Variants in CEMIP observed in about 807,000 individuals in gnomAD.
CEMIP encodes cell migration-inducing and hyaluronan-binding protein.
Under a neutral mutation model 156.9 loss-of-function variants are expected in CEMIP, and 105 were observed. That is an observed-to-expected ratio of 0.67 (90% CI 0.57 to 0.79). The LOEUF is 0.79. Ranked by LOEUF, CEMIP falls within the 30% of genes least tolerant of loss-of-function variation. The pLI, the probability that CEMIP is intolerant of heterozygous loss-of-function variation, is 0.00. For synonymous variants in CEMIP, 676 were observed against 668.4 expected, an observed-to-expected ratio of 1.01 and a Z score of -0.17; for missense variants, 1,457 against 1,769.4, an observed-to-expected ratio of 0.82 and a Z score of 3.17.
chr15:80,795,506 C>A (rs548927721), intron 1 of CEMIP, among the ~76,000 whole-genome samples: 1 of 151,998 alleles, frequency 6.6e-6, no homozygotes, highest in Admixed American at 6.6e-5. Flanking sequence ...TCCAGGAGAA[C>A]TCCCAGGTGG....
chr15:80,808,477 T>C (rs1006738558), intron 1 of CEMIP, among the ~76,000 whole-genome samples: 8 of 152,174 alleles, frequency 5.3e-5, no homozygotes, highest in Admixed American at 5.2e-4. Flanking sequence ...AGCTGACCTA[T>C]GAGATTCAGA....
intron 14 of CEMIP, among the ~76,000 whole-genome samples, chr15:80,911,073 T>C (rs1900033108): frequency 6.6e-6 from 1 of 152,226 alleles, no homozygotes; most frequent in Non-Finnish European, 1.5e-5. Flanking sequence ...TTTACTGCTC[T>C]GTGCTTCTGT....
At chr15:80,834,473 G>A (rs1897227401) in intron 1 of CEMIP, among the ~76,000 whole-genome samples, 1 of 152,192 alleles carries the variant, frequency 6.6e-6, no homozygotes, top group Non-Finnish European at 1.5e-5. Context: ...CAAAAGTAGA[G>A]TCAGGCTTCA....
Position 80,928,883 on chromosome 15 carries a change from T to C in CEMIP, c.2421-19T>C, listed in dbSNP as rs1900795082. ...GAAGCCAGGGCATGCTCTGACTATC[T>C]ATCTGCTCTTGCCCACAGGTTTGCT... On this transcript the variant is annotated intron_variant, in intron 19 of 29. Transcript: ENST00000394685. 4 of 1,613,358 alleles carry C rather than the reference T, an allele frequency of 2.5e-6. No individual in the cohort carries two copies. The highest frequency in any genetic ancestry group is 1.3e-5 in the African/African-American group (1 of 74,926).
In CEMIP at chr15:80,880,954, T is replaced by G; in HGVS notation, c.435T>G (p.Val145=). The stretch of plus-strand genomic sequence containing the variant: ...ACTATGGTCTGAAGTACATTGGGGT[T>G]GGTAAAGGAGGCGCTCTTGAGTTGC... ...DPYYGLKYIG[V]GKGGALELHG... The change falls in exon 6 of 30, where the codon GTT becomes GTG. Residue 145 remains valine (V), a synonymous_variant. Transcript: ENST00000394685. 6.2e-7 allele frequency: 1 copy of G among 1,614,210 alleles called. No homozygotes were observed. The highest frequency in any genetic ancestry group is 2.2e-5 in the East Asian group (1 of 44,880).
chr15:80,892,664 A>G (rs1378570845), intron 10 of CEMIP, among the ~76,000 whole-genome samples: 1 of 152,184 alleles, frequency 6.6e-6, no homozygotes, highest in East Asian at 1.9e-4. Context: ...TGCAAAATTT[A>G]AGGCAGCCCG....
At chr15:80,836,664 C>CTCCTGGGTTTTCTGCCTCCTTACT in intron 1 of CEMIP, among the ~76,000 whole-genome samples, 1 of 151,938 alleles carries the variant, frequency 6.6e-6, no homozygotes, top group Non-Finnish European at 1.5e-5. Context: ...GCCTCCTTAC[C>CTCCTGGGTTTTCTGCCTCCTTACT]TCCTGGGTTT....
At chr15:80,927,080 T>C (rs371873628) in intron 19 of CEMIP, among the ~76,000 whole-genome samples, 21 of 152,364 alleles carry the variant, frequency 1.4e-4, no homozygotes, top group East Asian at 7.7e-4. Flanking sequence ...TCGCCCGCCT[T>C]GGCCTCCCAA....
intron 3 of CEMIP, among the ~76,000 whole-genome samples, chr15:80,874,950 TAAC>T (rs1221772760): frequency 6.6e-6 from 1 of 151,658 alleles, no homozygotes; most frequent in East Asian, 1.9e-4. Flanking sequence ...GAATAATTGA[TAAC>T]TAGTGAAATT....
intron 1 of CEMIP, among the ~76,000 whole-genome samples, chr15:80,869,451 AT>A (rs1898217213): frequency 6.6e-6 from 1 of 152,184 alleles, no homozygotes; most frequent in Admixed American, 6.5e-5. Flanking sequence ...ACTGACTTAT[AT>A]TCTCATATGT....
intron 1 of CEMIP, among the ~76,000 whole-genome samples, chr15:80,803,908 C>A (rs1255170708): frequency 2.0e-5 from 3 of 152,190 alleles, no homozygotes; most frequent in African/African-American, 7.2e-5. Context: ...CTAATAAAGA[C>A]AAACTCGAGA....
At chr15:80,918,778 G>C (rs1294335977) in intron 14 of CEMIP, among the ~76,000 whole-genome samples, 2 of 152,100 alleles carry the variant, frequency 1.3e-5, no homozygotes, top group East Asian at 3.9e-4. Context: ...TGGAGTGTCT[G>C]AGCAGAAGCA....
At position 80,942,001 on chromosome 15, in the gene CEMIP, A is replaced by G. The variant is rs1366181341; in HGVS notation, c.3560A>G (p.Glu1187Gly). ...CTATAYPKFT[E>G]RAVVDVPMPK... is the part of the protein sequence containing the mutation. ...GCCACAGCTTACCCCAAGTTCACCG[A>G]GAGGGCTGTCGTAGACGTGCCGATG... The change falls in exon 26 of 30, where the codon GAG becomes GGG. Residue 1187 changes from glutamate (E) to glycine (G), a missense_variant. This residue lies in a region of CEMIP where 798 missense variants were observed against 980.1 expected (regional missense o/e 0.81). Transcript: ENST00000394685. 1 of 1,614,032 alleles carries G rather than the reference A, an allele frequency of 6.2e-7. No individual in the cohort carries two copies. The highest frequency in any genetic ancestry group is 1.7e-5 in the Admixed American group (1 of 60,024).
intron 3 of CEMIP, 81 bp downstream of exon 3, chr15:80,874,054 G>A (rs1898389101): frequency 1.5e-6 from 2 of 1,347,302 alleles, no homozygotes; most frequent in Middle Eastern, 1.8e-4. Context: ...GCTTTTGGGG[G>A]AGCCAGGAGA....
chr15:80,837,710 G>A (rs1216007244), intron 1 of CEMIP, among the ~76,000 whole-genome samples: 1 of 152,208 alleles, frequency 6.6e-6, no homozygotes, highest in Non-Finnish European at 1.5e-5. Context: ...TCTGAACCAA[G>A]CATCTTTGCA....
At chr15:80,832,040 A>C (rs1184298590) in intron 1 of CEMIP, among the ~76,000 whole-genome samples, 2 of 152,230 alleles carry the variant, frequency 1.3e-5, no homozygotes, top group African/African-American at 4.8e-5. Flanking sequence ...TTTAAGTATC[A>C]CCTGTTCTGG....
chr15:80,832,322 C>CTCTCTGTGTGTGTGTGTG (rs1555429057), intron 1 of CEMIP, among the ~76,000 whole-genome samples: 2 of 127,996 alleles, frequency 1.6e-5, no homozygotes, highest in Non-Finnish European at 3.3e-5. Context: ...AAAATAAACT[C>CTCTCTGTGTGTGTGTGTG]TGTGTGTGTG....
chr15:80,914,097 A>G (rs202181602), intron 14 of CEMIP, among the ~76,000 whole-genome samples: 1 of 116,814 alleles, frequency 8.6e-6, no homozygotes, highest in Non-Finnish European at 2.0e-5. Context: ...AAGGCTCTAC[A>G]GTATCTGTAG....
chr15:80,881,233 C>A, intron 6 of CEMIP, 97 bp downstream of exon 6: 1 of 1,056,908 alleles, frequency 9.5e-7, no homozygotes, highest in Non-Finnish European at 1.5e-6. Context: ...GCTGGGAGAA[C>A]AGCAGTGAAT....
Sources: allele counts gnomAD v4.1 joint callset (sites outside exome capture counted in the v4.1 genomes callset), GRCh38; gene constraint gnomAD v4.1.1; regional missense constraint gnomAD v4.1.1; transcripts MANE v1.5; gene names NCBI Gene and HGNC (gene_info 2026-07-23, HGNC 2026-07-21).